The following SNX29 variants were observed in gnomAD, a reference collection of about 807,000 sequenced individuals.
The protein encoded by SNX29 is sorting nexin-29.
A neutral mutation model predicts 102.1 loss-of-function variants in SNX29; 78 were observed. That is an observed-to-expected ratio of 0.76 (90% CI 0.64 to 0.92). The LOEUF (loss-of-function observed/expected upper bound fraction) is 0.92, where lower values mean the gene tolerates loss of function less well. Among genes scored for constraint, SNX29 ranks in the 40% least tolerant of loss-of-function variants. The probability of loss-of-function intolerance (pLI) is 0.00; values close to 1 mark genes in which losing one functional copy is unlikely to be tolerated. For missense variants in SNX29, 1,280 were observed against 1,061.7 expected, an observed-to-expected ratio of 1.21 and a Z score of -2.86; for synonymous variants, 580 against 414.5, an observed-to-expected ratio of 1.40 and a Z score of -4.85.
intron 3 of SNX29, among the ~76,000 whole-genome samples, chr16:12,025,244 G>T (rs2057154943): frequency 7.0e-6 from 1 of 143,198 alleles, no homozygotes; most frequent in African/African-American, 2.7e-5. Flanking sequence ...GGACGTTGCA[G>T]TGAGCCGAGA....
intron 16 of SNX29, among the ~76,000 whole-genome samples, chr16:12,363,500 A>T (rs575783525): frequency 1.3e-5 from 2 of 152,166 alleles, no homozygotes; most frequent in African/African-American, 4.8e-5. Context: ...GGGAATAAAC[A>T]TAGTGCTGAC....
intron 16 of SNX29, among the ~76,000 whole-genome samples, chr16:12,393,557 C>T (rs1433257598): frequency 6.6e-6 from 1 of 152,090 alleles, no homozygotes; most frequent in East Asian, 1.9e-4. Context: ...TTCCAATCCA[C>T]AGATAACCAG....
chr16:12,503,102 C>A, intron 19 of SNX29, among the ~76,000 whole-genome samples: 1 of 151,882 alleles, frequency 6.6e-6, no homozygotes. Context: ...ACCCTCCCAT[C>A]CACCACCCCC....
At chr16:12,074,755 A>G (rs563510253) in intron 10 of SNX29, among the ~76,000 whole-genome samples, 1 of 152,280 alleles carries the variant, frequency 6.6e-6, no homozygotes, top group African/African-American at 2.4e-5. Context: ...TATCCTGTAG[A>G]GTGTTTTCCA....
intron 13 of SNX29, among the ~76,000 whole-genome samples, chr16:12,158,670 G>A (rs2055656443): frequency 6.6e-6 from 1 of 152,238 alleles, no homozygotes; most frequent in Admixed American, 6.5e-5. Flanking sequence ...CAAAAGGACA[G>A]CGTGGCATGA....
At chr16:12,157,260 C>T (rs1446571068) in intron 13 of SNX29, among the ~76,000 whole-genome samples, 1 of 152,160 alleles carries the variant, frequency 6.6e-6, no homozygotes, top group Non-Finnish European at 1.5e-5. Flanking sequence ...TCCACACTAT[C>T]CAGCAGGGCT....
At chr16:12,249,771 A>C (rs906095802) in intron 14 of SNX29, among the ~76,000 whole-genome samples, 1 of 152,220 alleles carries the variant, frequency 6.6e-6, no homozygotes, top group Admixed American at 6.5e-5. Flanking sequence ...TTCTTGGTGC[A>C]TAGGGAACAC....
At position 12,279,462 on chromosome 16, in the gene SNX29, G is replaced by A. The variant is rs889634299; in HGVS notation, c.1782+1426G>A. Among the ~76,000 whole-genome samples, 9 of 152,348 alleles carry A rather than the reference G, an allele frequency of 5.9e-5. No homozygotes were observed. In the East Asian group the frequency reaches 1.7e-3, roughly 29 times the overall value. On this transcript the variant is annotated intron_variant, in intron 15 of 20. Coordinates refer to ENST00000566228, the MANE Select transcript of SNX29 (RefSeq NM_032167.5). ...GTGGGGATGAGTCAAAAGCCAGGCT[G>A]GGGAGGCCTGGGGACAGGGCACTCC...
chr16:12,509,841 C>G (rs527933930), intron 19 of SNX29, among the ~76,000 whole-genome samples: 49 of 152,368 alleles, frequency 3.2e-4, no homozygotes, highest in Middle Eastern at 3.4e-3. Flanking sequence ...GCATGCTGTC[C>G]TCACTGGTCA....
intron 19 of SNX29, among the ~76,000 whole-genome samples, chr16:12,500,564 C>T (rs564095094): frequency 1.3e-5 from 2 of 152,344 alleles, no homozygotes; most frequent in African/African-American, 4.8e-5. Context: ...GGCTTTCCAG[C>T]CAAAATGTGG....
At chr16:12,104,886 A>G (rs1378738541) in intron 11 of SNX29, among the ~76,000 whole-genome samples, 1 of 152,248 alleles carries the variant, frequency 6.6e-6, no homozygotes, top group African/African-American at 2.4e-5. Context: ...TACTGAAGAA[A>G]GCGAACTGGA....
intron 19 of SNX29, among the ~76,000 whole-genome samples, chr16:12,513,100 T>G (rs2089705548): frequency 6.6e-6 from 1 of 151,898 alleles, no homozygotes; most frequent in South Asian, 2.1e-4. Flanking sequence ...TGCGTACCCC[T>G]TCCTCAGTTC....
At chr16:12,013,500 A>AAAAAAAAAAATATATATAT in intron 3 of SNX29, among the ~76,000 whole-genome samples, 1 of 31,622 alleles carries the variant, frequency 3.2e-5, no homozygotes, top group Non-Finnish European at 6.1e-5. Flanking sequence ...AAAAAAAAAA[A>AAAAAAAAAAATATATATAT]ATATATATAT....
chr16:12,454,243 C>T (rs1386970590), intron 18 of SNX29, among the ~76,000 whole-genome samples: 1 of 152,152 alleles, frequency 6.6e-6, no homozygotes, highest in Non-Finnish European at 1.5e-5. Flanking sequence ...TGGGGGATGG[C>T]AACTCTGCAG....
At chr16:12,058,451 C>T (rs1393490144) in intron 8 of SNX29, among the ~76,000 whole-genome samples, 1 of 147,990 alleles carries the variant, frequency 6.8e-6, no homozygotes, top group African/African-American at 2.5e-5. Context: ...CATTTTGAGG[C>T]AGTAGCCCTT....
chr16:12,302,629 A>C (rs767399824), intron 15 of SNX29, among the ~76,000 whole-genome samples: 1 of 152,160 alleles, frequency 6.6e-6, no homozygotes, highest in South Asian at 2.1e-4. Flanking sequence ...TCATGACCTA[A>C]GCGCCTCCCA....
At chr16:12,273,126 C>T (rs1334819994) in intron 14 of SNX29, among the ~76,000 whole-genome samples, 1 of 152,040 alleles carries the variant, frequency 6.6e-6, no homozygotes, top group Non-Finnish European at 1.5e-5. Context: ...GTGTTAATCC[C>T]CCTGGTGCCT....
At chr16:12,378,386 A>C (rs2082952235) in intron 16 of SNX29, among the ~76,000 whole-genome samples, 1 of 152,224 alleles carries the variant, frequency 6.6e-6, no homozygotes, top group African/African-American at 2.4e-5. Flanking sequence ...GCGGTGGCTC[A>C]TGCCTGTAAT....
chr16:12,559,205 C>T (rs761726035), intron 20 of SNX29, among the ~76,000 whole-genome samples: 20 of 152,068 alleles, frequency 1.3e-4, no homozygotes, highest in Non-Finnish European at 2.5e-4. Context: ...GGGTGAGCAG[C>T]GCTTCGTCTG....
Sources: gnomAD v4.1 joint callset for allele counts (sites outside exome capture counted in the v4.1 genomes callset) on GRCh38, gnomAD v4.1.1 for gene constraint, MANE v1.5 for transcripts, NCBI Gene and HGNC (gene_info 2026-07-23, HGNC 2026-07-21) for gene names.